MED26: variants seen among roughly 807,000 people sequenced by gnomAD.
MED26 encodes the protein mediator of RNA polymerase II transcription subunit 26.
MED26 carries 7 observed loss-of-function variants against 43.7 expected under a neutral mutation model. The observed-to-expected ratio is 0.16, with a 90% CI of 0.09 to 0.30. The LOEUF is 0.30. Among genes scored for constraint, MED26 ranks in the 10% least tolerant of loss-of-function variants. MED26 has a pLI of 1.00. For missense variants in MED26, 784 were observed against 840.6 expected (o/e 0.93, Z 0.83); for synonymous variants, 375 against 371.1 (o/e 1.01, Z -0.12).
At chr19:16,581,329 A>C (rs939958275) in intron 1 of MED26, among the ~76,000 whole-genome samples, 8 of 152,212 alleles carry the variant, frequency 5.3e-5, no homozygotes, top group Non-Finnish European at 1.0e-4. Context: ...TGCAATGGGC[A>C]GGGATCAGTG....
intron 1 of MED26, among the ~76,000 whole-genome samples, chr19:16,612,759 A>C (rs1419017548): frequency 1.3e-5 from 2 of 152,188 alleles, no homozygotes; most frequent in African/African-American, 4.8e-5. Context: ...ATTTCAGCCT[A>C]AGCACCTCTT....
rs2086290396 is a variant in MED26 at position 16,627,953 on chromosome 19, G to A, written c.-10C>T. The A allele has an allele frequency of 2.1e-6, 3 of 1,453,276 alleles. No homozygotes were observed. The highest frequency in any genetic ancestry group is 2.7e-6 in the Non-Finnish European group (3 of 1,100,590). 90.0% of individuals were successfully genotyped at this position (1,453,276 alleles called of 1,614,324 possible). A position where few individuals can be genotyped will look rare whatever the true frequency, so the allele number is the denominator to read the frequency against. On this transcript the variant is annotated 5_prime_UTR_variant, in exon 1 of 3. Transcript: ENST00000263390. Reference sequence around the variant, plus strand: ...CCGGAGCCGCTGTCATTGCCTGGGCGAGGCGGGGGGTTGCGGCCGGGCCAG... The same window carrying A: ...CCGGAGCCGCTGTCATTGCCTGGGCAAGGCGGGGGGTTGCGGCCGGGCCAG...
chr19:16,575,952 G>C lies in MED26; in HGVS notation c.*75C>G, dbSNP rs987016265. On this transcript the variant is annotated 3_prime_UTR_variant, in exon 3 of 3. Coordinates refer to ENST00000263390, the MANE Select transcript of MED26 (RefSeq NM_004831.5). ...CCAGCGCAGGAGGCAGCTGGGCCCC[G>C]GCCACCTGCCCACCTGCCTGCCCGC... 1.1e-4 allele frequency: 137 copies of C among 1,235,446 alleles called. No homozygotes were observed. The highest frequency in any genetic ancestry group is 4.5e-4 in the East Asian group (12 of 26,462). The allele number at this position is 1,235,446 out of a possible 1,614,324, so 76.5% of individuals were successfully genotyped here. A position where few individuals can be genotyped will look rare whatever the true frequency, so the allele number is the denominator to read the frequency against.
intron 1 of MED26, among the ~76,000 whole-genome samples, chr19:16,621,249 T>C (rs73516971): frequency 1.3e-3 from 196 of 152,212 alleles, no homozygotes; most frequent in African/African-American, 4.6e-3. Flanking sequence ...TCGGTGAATC[T>C]CTCCTAGCCC....
At chr19:16,610,022 A>T (rs995843274) in intron 1 of MED26, among the ~76,000 whole-genome samples, 6 of 151,240 alleles carry the variant, frequency 4.0e-5, no homozygotes, top group African/African-American at 1.5e-4. Context: ...CACACATGTA[A>T]CCCCAACCCT....
chr19:16,579,936 G>C (rs1164368639), intron 1 of MED26, among the ~76,000 whole-genome samples: 1 of 152,200 alleles, frequency 6.6e-6, no homozygotes, highest in African/African-American at 2.4e-5. Context: ...GCAATGTCCA[G>C]CCTCAAACAG....
chr19:16,624,847 G>T (rs2086267126), intron 1 of MED26, among the ~76,000 whole-genome samples: 1 of 152,218 alleles, frequency 6.6e-6, no homozygotes. Flanking sequence ...GCAGCAGGTA[G>T]AAAGTGTGCC....
At chr19:16,611,344 G>A (rs2086198489) in intron 1 of MED26, 4 of 152,208 alleles carry the variant, frequency 2.6e-5, no homozygotes, top group Admixed American at 1.3e-4. Flanking sequence ...TGAAGAACAT[G>A]ACTGGTGGCC....
intron 1 of MED26, 104 bp from the exon 2 acceptor site, chr19:16,578,513 G>A: frequency 9.3e-7 from 1 of 1,080,120 alleles, no homozygotes; most frequent in Non-Finnish European, 1.4e-6. Flanking sequence ...CCCAGAGCAA[G>A]AGGAGCCAGC....
At chr19:16,617,373 T>A (rs546685684) in intron 1 of MED26, among the ~76,000 whole-genome samples, 11 of 152,140 alleles carry the variant, frequency 7.2e-5, no homozygotes, top group Non-Finnish European at 1.2e-4. Flanking sequence ...CTCCCTGACT[T>A]ACTGTGGGCA....
At chr19:16,589,745 G>A (rs1485539945) in intron 1 of MED26, among the ~76,000 whole-genome samples, 1 of 152,192 alleles carries the variant, frequency 6.6e-6, no homozygotes, top group Non-Finnish European at 1.5e-5. Context: ...CACTTTTCTA[G>A]ATGTATATTT....
intron 1 of MED26, among the ~76,000 whole-genome samples, chr19:16,579,103 AAAT>A (rs1013915076): frequency 2.6e-5 from 4 of 151,956 alleles, no homozygotes; most frequent in South Asian, 2.1e-4. Context: ...TCCGTGTAAA[AAAT>A]AATAATAATA....
In MED26 at chr19:16,588,673, C is replaced by T. The variant is rs545773033; in HGVS notation, c.73-10264G>A. On this transcript the variant is annotated intron_variant, in intron 1 of 2. Coordinates refer to ENST00000263390, the MANE Select transcript of MED26 (RefSeq NM_004831.5). ...GACCACGCCCCCAGGGGCCAGGCCA[C>T]GAGGACCCGCACACTGCACTTTCTG... 152 of 152,524 alleles carry T rather than the reference C, an allele frequency of 1.0e-3. 1 individual carries two copies. The highest frequency in any genetic ancestry group is 1.9e-3 in the Non-Finnish European group (128 of 68,174). 9.4% of individuals were successfully genotyped at this position (152,524 alleles called of 1,614,324 possible). A position where few individuals can be genotyped will look rare whatever the true frequency, so the allele number is the denominator to read the frequency against.
At chr19:16,619,189 T>C (rs968365159) in intron 1 of MED26, among the ~76,000 whole-genome samples, 1 of 152,228 alleles carries the variant, frequency 6.6e-6, no homozygotes, top group Non-Finnish European at 1.5e-5. Flanking sequence ...AGGATAAAAC[T>C]GTTCTTATTT....
intron 1 of MED26, among the ~76,000 whole-genome samples, chr19:16,607,806 G>A (rs577154958): frequency 3.0e-4 from 46 of 152,328 alleles, no homozygotes; most frequent in African/African-American, 1.1e-3. Context: ...TTCTTCCAAT[G>A]TGGCTCAGAG....
intron 1 of MED26, among the ~76,000 whole-genome samples, chr19:16,591,676 G>A (rs531510247): frequency 5.9e-5 from 9 of 152,290 alleles, no homozygotes; most frequent in African/African-American, 1.7e-4. Context: ...AAAGGCCAGC[G>A]GCTGCAGACA....
chr19:16,605,659 GAGGAA>G (rs945461446), intron 1 of MED26, among the ~76,000 whole-genome samples: 12 of 152,344 alleles, frequency 7.9e-5, no homozygotes, highest in African/African-American at 2.9e-4. Context: ...GGCGGCACTA[GAGGAA>G]AGGAGAGGAG....
chr19:16,577,461 G>A lies in MED26; in HGVS notation c.369C>T (p.Ser123=). The A allele has an allele frequency of 6.3e-7, 1 of 1,589,294 alleles. No homozygotes were observed. The highest frequency in any genetic ancestry group is 8.6e-7 in the Non-Finnish European group (1 of 1,164,558). ...PEVGAAGPPR[S]IHDLKSRNDL... ...CATTGCGGCTCTTCAGGTCATGGAT[G>A]CTCCTGGGTGGGCCAGCCGCCCCCA... Residue 123 remains serine, a synonymous_variant, in exon 3 of 3, where the codon AGC becomes AGT. Transcript: ENST00000263390. The surrounding 1 kb of genome is among the most constrained non-coding windows in gnomAD (Gnocchi z 8.1).
chr19:16,580,223 T>C (rs1310725353), intron 1 of MED26, among the ~76,000 whole-genome samples: 1 of 152,196 alleles, frequency 6.6e-6, no homozygotes, highest in Non-Finnish European at 1.5e-5. Context: ...CCGTAACACA[T>C]GATTGTAAAC....
Sources: gnomAD v4.1 joint callset for allele counts (sites outside exome capture counted in the v4.1 genomes callset) on GRCh38, gnomAD v4.1.1 for gene constraint, Gnocchi (gnomAD v3.1) non-coding constraint, MANE v1.5 for transcripts, NCBI Gene and HGNC (gene_info 2026-07-23, HGNC 2026-07-21) for gene names.